Variants in TMEM131 observed in about 807,000 individuals in gnomAD.
The protein encoded by TMEM131 is 2610524E03Rik.
A neutral mutation model predicts 211.6 loss-of-function variants in TMEM131; 66 were observed. The observed-to-expected ratio is 0.31, with a 90% CI of 0.26 to 0.38. The LOEUF (loss-of-function observed/expected upper bound fraction) is 0.38. TMEM131 is among the 10% of genes least tolerant of loss of function. TMEM131 has a pLI of 1.00. For synonymous variants in TMEM131, 844 were observed against 841.3 expected (o/e 1.00, Z -0.06); for missense variants, 2,036 against 2,299.3 (o/e 0.89, Z 2.34).
intron 3 of TMEM131, among the ~76,000 whole-genome samples, chr2:97,899,991 A>C (rs1354744379): frequency 1.3e-5 from 2 of 152,090 alleles, no homozygotes; most frequent in Non-Finnish European, 2.9e-5. Context: ...TAAGTTGAAA[A>C]TCACAAGTCA....
At chr2:97,880,838 A>G (rs1161214167) in intron 4 of TMEM131, among the ~76,000 whole-genome samples, 1 of 152,210 alleles carries the variant, frequency 6.6e-6, no homozygotes, top group Non-Finnish European at 1.5e-5. Flanking sequence ...TTGGGGATAC[A>G]CAGAGGAACA....
chr2:97,847,912 AT>A (rs199723556), intron 5 of TMEM131, among the ~76,000 whole-genome samples: 17 of 151,512 alleles, frequency 1.1e-4, no homozygotes, highest in Admixed American at 2.0e-4. Flanking sequence ...ACTCAGCAGT[AT>A]TTTTTTTTAA....
intron 31 of TMEM131, among the ~76,000 whole-genome samples, chr2:97,781,490 AGT>A (rs1680004187): frequency 6.6e-6 from 1 of 152,244 alleles, no homozygotes; most frequent in Admixed American, 6.5e-5. Flanking sequence ...GTGGCTTTAC[AGT>A]GAAAATTTCT....
chr2:97,974,162 T>C (rs907531579), intron 1 of TMEM131, among the ~76,000 whole-genome samples: 1 of 152,028 alleles, frequency 6.6e-6, no homozygotes, highest in Non-Finnish European at 1.5e-5. Flanking sequence ...CAAAGACAAA[T>C]TATACTTCCA....
chr2:97,905,742 C>T (rs1311871687), intron 3 of TMEM131, among the ~76,000 whole-genome samples: 3 of 152,156 alleles, frequency 2.0e-5, no homozygotes, highest in Admixed American at 1.3e-4. Flanking sequence ...TCCATTTTCC[C>T]TCATTATGTT....
intron 1 of TMEM131, among the ~76,000 whole-genome samples, chr2:97,934,792 G>A (rs1344196902): frequency 2.0e-5 from 3 of 152,146 alleles, no homozygotes; most frequent in African/African-American, 4.8e-5. Context: ...CAGAAGCAAT[G>A]AGACATCTAT....
chr2:97,934,659 G>C (rs983706604), intron 1 of TMEM131, among the ~76,000 whole-genome samples: 11 of 152,156 alleles, frequency 7.2e-5, no homozygotes, highest in Non-Finnish European at 7.4e-5. Flanking sequence ...TTGGCAGAGG[G>C]ATAGACACAT....
At chr2:97,797,077 A>G in intron 26 of TMEM131, 91 bp from the exon 27 acceptor site, 2 of 1,307,624 alleles carry the variant, frequency 1.5e-6, no homozygotes, top group Non-Finnish European at 2.1e-6. Flanking sequence ...ACAGAGCACC[A>G]CATAGAAATT....
intron 1 of TMEM131, among the ~76,000 whole-genome samples, chr2:97,964,876 C>T (rs1223968378): frequency 6.6e-6 from 1 of 152,216 alleles, no homozygotes; most frequent in Non-Finnish European, 1.5e-5. Context: ...TTGGTCTTTA[C>T]AACCTCAGTC....
At position 97,995,590 on chromosome 2, in the gene TMEM131, G is replaced by A. The variant is rs1271330600; in HGVS notation, c.73C>T (p.Leu25=). The change falls in exon 1 of 41, where the codon CTG becomes TTG. Residue 25 remains leucine (L), a synonymous_variant. Transcript: ENST00000186436. ...CCGCTACGGGCGGCCGCAGGTTCCA[G>A]CCCGGCCCCGGCGGACGTGGAGACG... ...AAVSTSAGAG[L]EPAAARSGGP... 4 of 1,272,462 alleles carry A rather than the reference G, an allele frequency of 3.1e-6. No homozygotes were observed. The highest frequency in any genetic ancestry group is 3.2e-5 in the East Asian group (1 of 31,190). The allele number at this position is 1,272,462 out of a possible 1,614,324, so 78.8% of individuals were successfully genotyped here. A position where few individuals can be genotyped will look rare whatever the true frequency, so the allele number is the denominator to read the frequency against.
chr2:97,929,939 A>C (rs1248917469), intron 1 of TMEM131, among the ~76,000 whole-genome samples: 1 of 151,788 alleles, frequency 6.6e-6, no homozygotes, highest in Non-Finnish European at 1.5e-5. Context: ...TATACTTAGA[A>C]TGTCTCTAAG....
chr2:97,817,293 A>T (rs1681874456), intron 12 of TMEM131, among the ~76,000 whole-genome samples: 1 of 152,116 alleles, frequency 6.6e-6, no homozygotes, highest in Non-Finnish European at 1.5e-5. Context: ...TGGGTCCTAA[A>T]TGCTCTTATC....
At chr2:97,840,246 T>C (rs1464848923) in intron 7 of TMEM131, among the ~76,000 whole-genome samples, 2 of 152,220 alleles carry the variant, frequency 1.3e-5, no homozygotes, top group African/African-American at 4.8e-5. Flanking sequence ...GCTTGGTAAC[T>C]CCAAAGGCTG....
intron 3 of TMEM131, among the ~76,000 whole-genome samples, chr2:97,898,965 T>C (rs760145050): frequency 9.9e-5 from 15 of 151,862 alleles, no homozygotes; most frequent in South Asian, 2.1e-4. Flanking sequence ...AGTTACTTAA[T>C]AGTGTTCTTC....
At chr2:97,840,581 C>T (rs1041117911) in intron 7 of TMEM131, among the ~76,000 whole-genome samples, 1 of 152,144 alleles carries the variant, frequency 6.6e-6, no homozygotes, top group African/African-American at 2.4e-5. Context: ...CAGAGTGAGA[C>T]CCTGTCTTTT....
intron 1 of TMEM131, among the ~76,000 whole-genome samples, chr2:97,979,450 C>T (rs928123962): frequency 1.3e-5 from 2 of 152,170 alleles, no homozygotes; most frequent in Non-Finnish European, 2.9e-5. Context: ...AGCGTGGCCA[C>T]GTTTATCAAT....
rs909647688 is a variant in TMEM131, at chr2:97,766,299, G to C, written c.4574-36C>G. On this transcript the variant is annotated intron_variant, in intron 34 of 40. Coordinates refer to ENST00000186436, the MANE Select transcript of TMEM131 (RefSeq NM_015348.2). ...ATCAGAAAAGAACATGGTTAATGGA[G>C]AATCATTCCTTTCTTTCAGGTCTAT... 5 of 1,612,294 alleles carry C rather than the reference G, an allele frequency of 3.1e-6. No individual in the cohort carries two copies. The African/African-American group carries it at 5.3e-5, about 17-fold the overall frequency.
intron 1 of TMEM131, among the ~76,000 whole-genome samples, chr2:97,941,547 A>T (rs1400423918): frequency 6.6e-6 from 1 of 152,226 alleles, no homozygotes; most frequent in Non-Finnish European, 1.5e-5. Context: ...AACCTACAGA[A>T]TGGGAGAAAA....
intron 1 of TMEM131, among the ~76,000 whole-genome samples, chr2:97,953,768 AC>A: frequency 6.6e-6 from 1 of 152,272 alleles, no homozygotes; most frequent in East Asian, 1.9e-4. Context: ...CATAAAACAA[AC>A]CCCAACTATT....
Sources: gnomAD v4.1 joint callset for allele counts (sites outside exome capture counted in the v4.1 genomes callset) on GRCh38, gnomAD v4.1.1 for gene constraint, MANE v1.5 for transcripts, NCBI Gene and HGNC (gene_info 2026-07-23, HGNC 2026-07-21) for gene names.